Variants in NOXRED1 observed in about 807,000 individuals in gnomAD.
The protein encoded by NOXRED1 is NADP-dependent oxidoreductase domain-containing protein 1.
Under a neutral mutation model 30.4 loss-of-function variants are expected in NOXRED1, and 20 were observed. The ratio of observed to expected loss-of-function variants is 0.66; its 90% CI spans 0.46 to 0.96. NOXRED1 has a LOEUF of 0.96. Among genes scored for constraint, NOXRED1 ranks in the 40% least tolerant of loss-of-function variants. NOXRED1 has a pLI of 0.00. For missense variants in NOXRED1, 374 were observed against 428.0 expected (o/e 0.87, Z 1.11); for synonymous variants, 155 against 168.0 (o/e 0.92, Z 0.60).
chr14:77,401,882 T>A (rs1442637144), intron 5 of NOXRED1, among the ~76,000 whole-genome samples: 1 of 152,220 alleles, frequency 6.6e-6, no homozygotes, highest in African/African-American at 2.4e-5. Context: ...TAGACCCGCA[T>A]AAATATAGTT....
rs748251269 is a variant in NOXRED1, at chr14:77,407,605, G to A, written c.390C>T (p.Asn130=). The change falls in exon 3 of 6, where the codon AAC becomes AAT. Residue 130 remains asparagine (N), a synonymous_variant. Coordinates refer to ENST00000380835, the MANE Select transcript of NOXRED1 (RefSeq NM_001113475.3). ...QKLGIKCFYH[N]ADLVSWADVI... ...CATCGGCCCAACTCACCAGATCAGC[G>A]TTATGGTAAAAGCATTTGATTCCCA... 4.3e-5 allele frequency: 70 copies of A among 1,614,126 alleles called. No homozygotes were observed. The highest frequency in any genetic ancestry group is 5.5e-5 in the Non-Finnish European group (65 of 1,179,966).
intron 5 of NOXRED1, 150 bp from the exon 6 acceptor site, chr14:77,394,955 A>C: frequency 1.7e-6 from 1 of 576,334 alleles, no homozygotes; most frequent in Non-Finnish European, 3.1e-6. Context: ...ATTCAGCTAG[A>C]ACTAGTCAAT....
rs138019727 is a variant in NOXRED1 at position 77,401,106 on chromosome 14, A to T, written c.905+4807T>A. ...TAGTTTAAATGGGGCCAGGTGCAGC[A>T]GCTCATGCCTGTAATCCCAGCACTT... On this transcript the variant is annotated intron_variant, in intron 5 of 5. Coordinates refer to ENST00000380835, the MANE Select transcript of NOXRED1 (RefSeq NM_001113475.3). Among the ~76,000 whole-genome samples the T allele has an allele frequency of 8.8e-3, 1,341 of 152,326 alleles. 19 individuals carry two copies. Among genetic ancestry groups the T allele is most frequent in the South Asian group, 0.037 (180 of 4,832 alleles).
chr14:77,407,031 G>T (rs1056741218), intron 3 of NOXRED1, among the ~76,000 whole-genome samples, 156 bp from the exon 4 acceptor site: 9 of 152,182 alleles, frequency 5.9e-5, no homozygotes, highest in African/African-American at 2.2e-4. Flanking sequence ...TAATTAACTG[G>T]ACTGTTCATC....
chr14:77,413,587 C>T (rs569744928), intron 2 of NOXRED1, among the ~76,000 whole-genome samples: 11 of 152,032 alleles, frequency 7.2e-5, no homozygotes, highest in African/African-American at 2.4e-4. Flanking sequence ...AATATAAGGC[C>T]AACTGCAAAT....
intron 1 of NOXRED1, among the ~76,000 whole-genome samples, chr14:77,419,280 C>T (rs1330510953): frequency 2.0e-5 from 3 of 151,668 alleles, no homozygotes; most frequent in African/African-American, 4.8e-5. Flanking sequence ...ACCACGTTGG[C>T]CAGGCTGGTC....
chr14:77,399,527 A>G (rs931047654), intron 5 of NOXRED1, among the ~76,000 whole-genome samples: 44 of 152,226 alleles, frequency 2.9e-4, no homozygotes, highest in Admixed American at 7.2e-4. Flanking sequence ...AAGCAGAAAG[A>G]TGGAAGTTCC....
chr14:77,398,269 CAA>C (rs1454514757), intron 5 of NOXRED1, among the ~76,000 whole-genome samples: 4 of 152,188 alleles, frequency 2.6e-5, no homozygotes, highest in African/African-American at 9.7e-5. Flanking sequence ...TCTAGGAGCT[CAA>C]CCAGGTTCTC....
At chr14:77,405,612 A>T (rs543143220) in intron 5 of NOXRED1, among the ~76,000 whole-genome samples, 2 of 152,316 alleles carry the variant, frequency 1.3e-5, no homozygotes, top group South Asian at 4.1e-4. Flanking sequence ...AAAAAGCAGA[A>T]TATATAGTTC....
At chr14:77,425,152 C>T (rs1451695587), upstream of NOXRED1, among the ~76,000 whole-genome samples, 4 of 152,180 alleles carry the variant, frequency 2.6e-5, no homozygotes, top group African/African-American at 9.7e-5. Context: ...TAGCTTGTCC[C>T]TGCTCACTCA....
At chr14:77,405,728 A>T (rs1894439850) in intron 5 of NOXRED1, among the ~76,000 whole-genome samples, 185 bp downstream of exon 5, 1 of 152,206 alleles carries the variant, frequency 6.6e-6, no homozygotes, top group African/African-American at 2.4e-5. Context: ...TTAGAGGTGA[A>T]ATCTATGAAA....
intron 5 of NOXRED1, among the ~76,000 whole-genome samples, chr14:77,402,274 A>G (rs1040098947): frequency 9.2e-5 from 14 of 152,252 alleles, no homozygotes; most frequent in African/African-American, 3.4e-4. Flanking sequence ...ACTAGAGAAA[A>G]TATTTGCAGA....
rs897206006 is a variant in NOXRED1 at position 77,409,782 on chromosome 14, T to C, written c.350-2137A>G. Among the ~76,000 whole-genome samples the C allele has an allele frequency of 3.3e-5, 5 of 152,224 alleles. No individual in the cohort carries two copies. The East Asian group carries it at 9.6e-4, about 29-fold the overall frequency. On this transcript the variant is annotated intron_variant, in intron 2 of 5. Coordinates refer to ENST00000380835, the MANE Select transcript of NOXRED1 (RefSeq NM_001113475.3). ...TGAAATATCACATATATTAGTCCTA[T>C]TGATGGGATAAAGATATATACCTTG...
At chr14:77,415,604 A>G (rs1894791358) in intron 1 of NOXRED1, among the ~76,000 whole-genome samples, 1 of 142,888 alleles carries the variant, frequency 7.0e-6, no homozygotes, top group African/African-American at 2.5e-5. Context: ...ATAGATAGAT[A>G]GATAGATAGA....
At chr14:77,414,241 G>A in intron 1 of NOXRED1, 114 bp from the exon 2 acceptor site, 1 of 634,222 alleles carries the variant, frequency 1.6e-6, no homozygotes, top group Non-Finnish European at 2.5e-6. Context: ...GAGTGCAATG[G>A]GGTGATCTTG....
At chr14:77,405,204 G>A (rs1370498007) in intron 5 of NOXRED1, among the ~76,000 whole-genome samples, 3 of 152,206 alleles carry the variant, frequency 2.0e-5, no homozygotes, top group Non-Finnish European at 2.9e-5. Flanking sequence ...AGACCAGCCT[G>A]GCCAACATGG....
intron 2 of NOXRED1, among the ~76,000 whole-genome samples, chr14:77,413,473 G>A (rs1338716546): frequency 3.3e-5 from 5 of 152,136 alleles, no homozygotes; most frequent in South Asian, 2.1e-4. Context: ...TCTTGACCTC[G>A]TCATCTGCCC....
intron 3 of NOXRED1, 67 bp downstream of exon 3, chr14:77,407,398 G>A: frequency 8.6e-7 from 1 of 1,165,470 alleles, no homozygotes. Flanking sequence ...GTGGAGGTGG[G>A]AGGCAGAAGT....
chr14:77,408,337 T>G (rs1400460583), intron 2 of NOXRED1, among the ~76,000 whole-genome samples: 1 of 151,936 alleles, frequency 6.6e-6, no homozygotes, highest in African/African-American at 2.4e-5. Context: ...CTGGGACCAC[T>G]GGTGAGTGTG....
Sources: gnomAD v4.1 joint callset for allele counts (sites outside exome capture counted in the v4.1 genomes callset) on GRCh38, gnomAD v4.1.1 for gene constraint, MANE v1.5 for transcripts, NCBI Gene and HGNC (gene_info 2026-07-23, HGNC 2026-07-21) for gene names.